The following MAN1C1 variants were observed in gnomAD, a reference collection of about 807,000 sequenced individuals.
The protein encoded by MAN1C1 is mannosyl-oligosaccharide 1,2-alpha-mannosidase IC.
MAN1C1 carries 49 observed loss-of-function variants against 71.5 expected under a neutral mutation model. The ratio of observed to expected loss-of-function variants is 0.69; its 90% confidence interval spans 0.54 to 0.87. The LOEUF is 0.87. MAN1C1 is among the 40% of genes least tolerant of loss of function. The pLI is 0.00. For missense variants in MAN1C1, 743 were observed against 835.0 expected, an observed-to-expected ratio of 0.89 and a Z score of 1.36; for synonymous variants, 352 against 343.7, an observed-to-expected ratio of 1.02 and a Z score of -0.27.
rs2047668900 is a variant in MAN1C1, at chr1:25,779,720, GCCGCTACA to G, written c.1478-1217_1478-1210del. On this transcript the variant is annotated intron_variant, in intron 9 of 11. Coordinates refer to ENST00000374332, the MANE Select transcript of MAN1C1 (RefSeq NM_020379.4). This position sits in a 1 kb window ranked among gnomAD's most constrained non-coding sequence, Gnocchi z 4.6. ...AATGACTGTTTTCTGATGGCCAGGAGCCGCTACACCATTTGAAAAGGTTAGAGAGGCTA... is the reference window on the plus strand; with the variant it reads ...AATGACTGTTTTCTGATGGCCAGGAGCCATTTGAAAAGGTTAGAGAGGCTA... Among the ~76,000 whole-genome samples, 3 of 152,236 alleles carry G rather than the reference GCCGCTACA, an allele frequency of 2.0e-5. No homozygotes were observed. The South Asian group carries it at 6.2e-4, about 31-fold the overall frequency.
chr1:25,732,508 G>A (rs2124303707), intron 2 of MAN1C1, among the ~76,000 whole-genome samples: 1 of 152,340 alleles, frequency 6.6e-6, no homozygotes, highest in East Asian at 1.9e-4. Context: ...CTTAAAAGAG[G>A]TGCTGTCTGT....
At chr1:25,647,058 T>C (rs2045625342) in intron 1 of MAN1C1, among the ~76,000 whole-genome samples, 1 of 152,094 alleles carries the variant, frequency 6.6e-6, no homozygotes, top group African/African-American at 2.4e-5. Context: ...GGTGGTGACT[T>C]TGGAAGCTGA....
rs113494171 is a variant in MAN1C1 at position 25,667,196 on chromosome 1, C to G, written c.541-19244C>G. Among the ~76,000 whole-genome samples the G allele has an allele frequency of 6.1e-3, 934 of 152,086 alleles. 13 individuals carry two copies. The highest frequency in any genetic ancestry group is 0.022 in the African/African-American group (894 of 41,512). ...TTTAATTTTGGCCATTTAAACAATT[C>G]AAAGAGGCTGGGAGTGGTGGCTCAC... is the stretch of plus-strand genomic sequence containing the variant. On this transcript the variant is annotated intron_variant, in intron 1 of 11. Transcript: ENST00000374332.
intron 1 of MAN1C1, among the ~76,000 whole-genome samples, chr1:25,642,566 T>C (rs1317063393): frequency 6.6e-6 from 1 of 152,246 alleles, no homozygotes; most frequent in Non-Finnish European, 1.5e-5. Context: ...TGGAGAGCTC[T>C]GTTTCTATGC....
chr1:25,737,725 ATGGTCAGTTCTGCTTGG>A (rs2047001948), intron 2 of MAN1C1, among the ~76,000 whole-genome samples: 1 of 152,090 alleles, frequency 6.6e-6, no homozygotes, highest in Non-Finnish European at 1.5e-5. Flanking sequence ...ATCAATGGGC[ATGGTCAGTTCTGCTTGG>A]TGGCTCAGGA....
At chr1:25,766,260 T>TTTAGCCGAGCTA in intron 7 of MAN1C1, among the ~76,000 whole-genome samples, 1 of 152,146 alleles carries the variant, frequency 6.6e-6, no homozygotes, top group Non-Finnish European at 1.5e-5. Context: ...GAGGGGGTTA[T>TTTAGCCGAGCTA]AATGCCCAGC....
chr1:25,755,378 G>T (rs1014094149), intron 5 of MAN1C1, among the ~76,000 whole-genome samples: 1 of 152,186 alleles, frequency 6.6e-6, no homozygotes, highest in East Asian at 1.9e-4. Flanking sequence ...ACACTCTCCT[G>T]CCACCCTTAT....
chr1:25,649,460 C>T (rs1054234225), intron 1 of MAN1C1, among the ~76,000 whole-genome samples: 1 of 152,194 alleles, frequency 6.6e-6, no homozygotes, highest in Non-Finnish European at 1.5e-5. Context: ...TTGATCCTCA[C>T]CCTCACTCTT....
chr1:25,651,200 C>T (rs1487263126), intron 1 of MAN1C1, among the ~76,000 whole-genome samples: 1 of 152,254 alleles, frequency 6.6e-6, no homozygotes, highest in Non-Finnish European at 1.5e-5. Flanking sequence ...CTCTGCCACA[C>T]TTTCTTCTGT....
chr1:25,763,755 T>G, intron 6 of MAN1C1, 119 bp from the exon 7 acceptor site: 4 of 789,164 alleles, frequency 5.1e-6, no homozygotes, highest in Non-Finnish European at 8.7e-6. Context: ...TCTCCCTTCC[T>G]GCCTCCTCAT....
At chr1:25,721,138 G>A (rs948578144) in intron 2 of MAN1C1, among the ~76,000 whole-genome samples, 1 of 151,910 alleles carries the variant, frequency 6.6e-6, no homozygotes, top group Non-Finnish European at 1.5e-5. Context: ...GCCTATTCTG[G>A]GTCCCTTATA....
chr1:25,778,804 G>C lies in MAN1C1; in HGVS notation c.1477+480G>C, dbSNP rs1162495512. 6.6e-6 allele frequency among the ~76,000 whole-genome samples: 1 copy of C among 151,990 alleles called. No homozygotes were observed. Among genetic ancestry groups the C allele is most frequent in the African/African-American group, 2.4e-5 (1 of 41,374 alleles). On this transcript the variant is annotated intron_variant, in intron 9 of 11. Coordinates refer to ENST00000374332, the MANE Select transcript of MAN1C1 (RefSeq NM_020379.4). This position sits in a 1 kb window ranked among gnomAD's most constrained non-coding sequence, Gnocchi z 5.5. ...GCCTCCTGCTCCCACCTGTTTAGTCGCCCTCTTTGACCCATGATCACCGGA... is the reference window on the plus strand; with the variant it reads ...GCCTCCTGCTCCCACCTGTTTAGTCCCCCTCTTTGACCCATGATCACCGGA...
chr1:25,686,584 G>A lies in MAN1C1; in HGVS notation c.637+48G>A, dbSNP rs746762791. The A allele has an allele frequency of 1.8e-5, 27 of 1,517,668 alleles. No homozygotes were observed. The South Asian group carries it at 2.4e-4, about 13-fold the overall frequency. 94.0% of individuals were successfully genotyped at this position (1,517,668 alleles called of 1,614,324 possible). A position where few individuals can be genotyped will look rare whatever the true frequency, so the allele number is the denominator to read the frequency against. On this transcript the variant is annotated intron_variant, in intron 2 of 11. Coordinates refer to ENST00000374332, the MANE Select transcript of MAN1C1 (RefSeq NM_020379.4). Reference sequence around the variant, plus strand: ...GATATTGGGAGGGACCCACCGCCCCGCCAGTGGCCGAGTGGAATTTTACTT... The same window carrying A: ...GATATTGGGAGGGACCCACCGCCCCACCAGTGGCCGAGTGGAATTTTACTT...
intron 1 of MAN1C1, among the ~76,000 whole-genome samples, chr1:25,665,070 C>T (rs774819381): frequency 3.9e-4 from 59 of 152,280 alleles, no homozygotes; most frequent in Non-Finnish European, 6.2e-4. Context: ...CAAAGGTGCA[C>T]GGCCTGTGTA....
chr1:25,751,540 C>G (rs2047216300), intron 4 of MAN1C1, among the ~76,000 whole-genome samples: 1 of 152,212 alleles, frequency 6.6e-6, no homozygotes, highest in Admixed American at 6.5e-5. Flanking sequence ...TCAAAAGACT[C>G]AAGGAGGGGC....
chr1:25,754,097 G>A (rs1208160975), intron 5 of MAN1C1, among the ~76,000 whole-genome samples: 1 of 152,088 alleles, frequency 6.6e-6, no homozygotes, highest in Non-Finnish European at 1.5e-5. Flanking sequence ...AGCTCTCAAG[G>A]AGCCCTAGCC....
intron 2 of MAN1C1, among the ~76,000 whole-genome samples, chr1:25,704,137 C>T (rs2046485390): frequency 6.6e-6 from 1 of 152,202 alleles, no homozygotes; most frequent in African/African-American, 2.4e-5. Context: ...GTTTCAGGCC[C>T]ACTCCTTTAA....
intron 2 of MAN1C1, among the ~76,000 whole-genome samples, chr1:25,693,863 A>G (rs533066836): frequency 6.9e-4 from 105 of 152,280 alleles, no homozygotes; most frequent in African/African-American, 2.4e-3. Context: ...CCATCTGTAC[A>G]ATGGGGATAA....
At chr1:25,654,627 T>C (rs539678944) in intron 1 of MAN1C1, among the ~76,000 whole-genome samples, 37 of 152,264 alleles carry the variant, frequency 2.4e-4, no homozygotes, top group African/African-American at 8.9e-4. Context: ...AATCTGCTCA[T>C]GTTTAGGCTG....
Sources: gnomAD v4.1 joint callset for allele counts (sites outside exome capture counted in the v4.1 genomes callset) on GRCh38, gnomAD v4.1.1 for gene constraint, Gnocchi (gnomAD v3.1) non-coding constraint, MANE v1.5 for transcripts, NCBI Gene and HGNC (gene_info 2026-07-23, HGNC 2026-07-21) for gene names.